The following PCNX1 variants were observed in gnomAD, a reference collection of about 807,000 sequenced individuals.
PCNX1 encodes pecanex 1, also known as pecanex-like protein 1.
PCNX1 carries 78 observed loss-of-function variants against 242.2 expected under a neutral mutation model. The observed-to-expected ratio is 0.32, with a 90% CI of 0.27 to 0.39. PCNX1 has a LOEUF of 0.39. Among genes scored for constraint, PCNX1 ranks in the 10% least tolerant of loss-of-function variants. The probability of loss-of-function intolerance (pLI) is 1.00; values close to 1 mark genes in which losing one functional copy is unlikely to be tolerated. For synonymous variants in PCNX1, 1,024 were observed against 1,032.9 expected (o/e 0.99, Z 0.17); for missense variants, 2,581 against 2,856.5 (o/e 0.90, Z 2.20).
chr14:71,102,633 A>C (rs1321441884), intron 31 of PCNX1, among the ~76,000 whole-genome samples: 1 of 152,022 alleles, frequency 6.6e-6, no homozygotes, highest in African/African-American at 2.4e-5. Context: ...ACCATATTAC[A>C]TTTGTCTTTC....
In PCNX1 at chr14:70,966,439, C is replaced by G. The variant is rs565888688; in HGVS notation, c.469-1759C>G. 1.4e-4 allele frequency among the ~76,000 whole-genome samples: 22 copies of G among 152,284 alleles called. No individual in the cohort carries two copies. The East Asian group carries it at 4.1e-3, about 28-fold the overall frequency. ...GAGCACAGCAGCTTCAATCAAGACC[C>G]TGTTTGAAAAGTTAGGAAGCAAGCA... On this transcript the variant is annotated intron_variant, in intron 3 of 35. Coordinates refer to ENST00000304743, the MANE Select transcript of PCNX1 (RefSeq NM_014982.3).
intron 2 of PCNX1, among the ~76,000 whole-genome samples, chr14:70,954,515 A>C (rs150424610): frequency 0.011 from 1,696 of 152,260 alleles, 14 homozygotes; most frequent in South Asian, 0.017. Flanking sequence ...ACAATATTGA[A>C]TCTCTCCATT....
At chr14:71,005,867 A>G (rs2059641714) in intron 8 of PCNX1, among the ~76,000 whole-genome samples, 2 of 152,170 alleles carry the variant, frequency 1.3e-5, no homozygotes, top group Non-Finnish European at 2.9e-5. Context: ...TATGAACAAT[A>G]ACAGTCACTA....
chr14:70,973,954 C>T lies in PCNX1; in HGVS notation c.605-2988C>T, dbSNP rs145807105. On this transcript the variant is annotated intron_variant, in intron 5 of 35. Coordinates refer to ENST00000304743, the MANE Select transcript of PCNX1 (RefSeq NM_014982.3). The stretch of plus-strand genomic sequence containing the variant: ...TTTCATTACTCCAGTAAGAAACCTG[C>T]ACCCATTACACTCCCCATTTCCCCT... 3.3e-5 allele frequency among the ~76,000 whole-genome samples: 5 copies of T among 152,192 alleles called. No individual in the cohort carries two copies. In the East Asian group the frequency reaches 9.7e-4, roughly 29 times the overall value.
At chr14:71,001,372 A>T (rs944859593) in intron 8 of PCNX1, among the ~76,000 whole-genome samples, 3 of 152,192 alleles carry the variant, frequency 2.0e-5, no homozygotes, top group Admixed American at 6.5e-5. Flanking sequence ...GCTCTAGTTT[A>T]TACTTTATCT....
chr14:71,032,147 C>T (rs1032135423), intron 16 of PCNX1, among the ~76,000 whole-genome samples: 2 of 152,236 alleles, frequency 1.3e-5, no homozygotes, highest in Non-Finnish European at 2.9e-5. Flanking sequence ...CTTACTTTCT[C>T]TCACCCCAGC....
chr14:71,047,159 A>G (rs1383105197), intron 21 of PCNX1, 54 bp downstream of exon 21: 7 of 1,086,200 alleles, frequency 6.4e-6, no homozygotes, highest in East Asian at 2.6e-5. Flanking sequence ...GTTATAAACA[A>G]TGTCTTAAGT....
rs1595233540 is a variant in PCNX1 at position 71,011,512 on chromosome 14, C to G, written c.2741C>G (p.Ser914Cys). ...TTTAGTGACACAGATTCTCATGTAT[C>G]CAGTTCTACCTCAGTTCGATTTTAT... ...SNICDTDSHV[S>C]SSTSVRFYPH... The change falls in exon 10 of 36, where the codon TCC (serine) becomes TGC (cysteine). Residue 914 changes from serine to cysteine, a missense_variant. This residue lies in a region of PCNX1 where 1,204 missense variants were observed against 1,216.7 expected (regional missense o/e 0.99). Coordinates refer to ENST00000304743, the MANE Select transcript of PCNX1 (RefSeq NM_014982.3). The G allele has an allele frequency of 6.4e-7, 1 of 1,571,568 alleles. No homozygotes were observed. The highest frequency in any genetic ancestry group is 2.2e-5 in the East Asian group (1 of 44,548).
At position 71,089,188 on chromosome 14, in the gene PCNX1, A is replaced by C. The variant is rs183962490; in HGVS notation, c.5439-4A>C. ...ATGTGAACTTTTATCTCCAATCTTAACAGTAATTTAGAGTCATTCCTCTAT... is the reference window on the plus strand; with the variant it reads ...ATGTGAACTTTTATCTCCAATCTTACCAGTAATTTAGAGTCATTCCTCTAT... On this transcript the variant is annotated splice_polypyrimidine_tract_variant and splice_region_variant and intron_variant, in intron 29 of 35. Transcript: ENST00000304743. 7 of 1,597,632 alleles carry C rather than the reference A, an allele frequency of 4.4e-6. No individual in the cohort carries two copies. The highest frequency in any genetic ancestry group is 6.0e-6 in the Non-Finnish European group (7 of 1,169,324).
At position 70,914,519 on chromosome 14, in the gene PCNX1, A is replaced by G. The variant is rs889623573; in HGVS notation, c.153+6516A>G. ...CATTTGGTGATTGGAAAACTAGGAA[A>G]GTTTCTATTTTTTTTCTAGCCTTTG... On this transcript the variant is annotated intron_variant, in intron 1 of 35. Coordinates refer to ENST00000304743, the MANE Select transcript of PCNX1 (RefSeq NM_014982.3). Among the ~76,000 whole-genome samples, 133 of 152,298 alleles carry G rather than the reference A, an allele frequency of 8.7e-4. 1 individual carries two copies. The highest frequency in any genetic ancestry group is 3.2e-3 in the African/African-American group (131 of 41,556).
chr14:70,908,067 C>T, intron 1 of PCNX1, 64 bp downstream of exon 1: 5 of 1,449,378 alleles, frequency 3.4e-6, no homozygotes, highest in Admixed American at 2.5e-5. Flanking sequence ...ATGCTGGGGT[C>T]GCGCCCTCTT....
At chr14:71,041,382 T>C (rs1458312985) in intron 19 of PCNX1, among the ~76,000 whole-genome samples, 1 of 152,156 alleles carries the variant, frequency 6.6e-6, no homozygotes, top group Non-Finnish European at 1.5e-5. Context: ...TTTTTACTTG[T>C]TATTGGTCTG....
chr14:71,054,788 G>A lies in PCNX1; in HGVS notation c.4578-716G>A, dbSNP rs138890526. Among the ~76,000 whole-genome samples, 102 of 152,292 alleles carry A rather than the reference G, an allele frequency of 6.7e-4. 4 individuals are homozygous for A. In the South Asian group the frequency reaches 0.015, roughly 22 times the overall value. On this transcript the variant is annotated intron_variant, in intron 24 of 35. Transcript: ENST00000304743. ...TTTTGCCATACAGAGTATTAAAAAG[G>A]CCTTTACTGTGAGTTGAGATTTATT... is the stretch of plus-strand genomic sequence containing the variant.
At chr14:71,026,544 A>T (rs889378900) in intron 14 of PCNX1, among the ~76,000 whole-genome samples, 1 of 152,102 alleles carries the variant, frequency 6.6e-6, no homozygotes, top group Non-Finnish European at 1.5e-5. Context: ...TTAGGTTTCT[A>T]TTATGTGAAA....
chr14:71,010,588 A>G (rs2059796344), intron 9 of PCNX1, among the ~76,000 whole-genome samples: 2 of 152,124 alleles, frequency 1.3e-5, no homozygotes, highest in South Asian at 4.1e-4. Flanking sequence ...ATCATATAAC[A>G]TCAATTATAT....
rs186360336 is a variant in PCNX1, at chr14:70,948,726, T to C, written c.362+1603T>C. On this transcript the variant is annotated intron_variant, in intron 2 of 35. Transcript: ENST00000304743. Reference sequence around the variant, plus strand: ...ATACACACATACACATAAGTGTATATACATATATATGTGTATATGTACATA... The same window carrying C: ...ATACACACATACACATAAGTGTATACACATATATATGTGTATATGTACATA... Among the ~76,000 whole-genome samples, 79 of 149,348 alleles carry C rather than the reference T, an allele frequency of 5.3e-4. No homozygotes were observed. In the East Asian group the frequency reaches 0.013, roughly 25 times the overall value.
intron 9 of PCNX1, among the ~76,000 whole-genome samples, chr14:71,010,121 A>G (rs942711970): frequency 7.2e-5 from 11 of 152,128 alleles, no homozygotes; most frequent in African/African-American, 2.4e-4. Context: ...AACTTAAGGT[A>G]GAATTTTTTT....
intron 1 of PCNX1, among the ~76,000 whole-genome samples, chr14:70,937,407 T>C (rs2057052328): frequency 6.6e-6 from 1 of 152,242 alleles, no homozygotes; most frequent in Non-Finnish European, 1.5e-5. Flanking sequence ...TCCCCATTTC[T>C]TGTTTCTGTC....
chr14:71,078,635 T>G (rs937272168), intron 28 of PCNX1: 3 of 152,226 alleles, frequency 2.0e-5, no homozygotes, highest in Admixed American at 2.0e-4. Context: ...GAACTAATTT[T>G]TTTCTTTCAG....
Sources: gnomAD v4.1 joint callset for allele counts (sites outside exome capture counted in the v4.1 genomes callset) on GRCh38, gnomAD v4.1.1 for gene constraint, gnomAD v4.1.1 regional missense constraint, MANE v1.5 for transcripts, NCBI Gene and HGNC (gene_info 2026-07-23, HGNC 2026-07-21) for gene names.